The following EFCAB5 variants were observed in gnomAD, a reference collection of about 807,000 sequenced individuals.
EFCAB5 encodes EF-hand calcium-binding domain-containing protein 5.
A neutral mutation model predicts 167.9 loss-of-function variants in EFCAB5; 131 were observed. The observed-to-expected ratio is 0.78, with a 90% CI of 0.68 to 0.90. EFCAB5 has a LOEUF of 0.90. EFCAB5 is among the 40% of genes least tolerant of loss of function. The probability of loss-of-function intolerance (pLI) is 0.00; values close to 1 mark genes in which losing one functional copy is unlikely to be tolerated. For synonymous variants in EFCAB5, 574 were observed against 602.8 expected (o/e 0.95, Z 0.70); for missense variants, 1,663 against 1,745.2 (o/e 0.95, Z 0.84).
intron 3 of EFCAB5, among the ~76,000 whole-genome samples, chr17:29,965,003 A>G (rs556924389): frequency 7.3e-5 from 11 of 150,078 alleles, no homozygotes; most frequent in Non-Finnish European, 1.3e-4. Context: ...CCGGGTTCAC[A>G]CCATTCTCCT....
At chr17:29,993,994 C>T (rs1357997664) in intron 5 of EFCAB5, among the ~76,000 whole-genome samples, 2 of 150,676 alleles carry the variant, frequency 1.3e-5, no homozygotes, top group African/African-American at 2.4e-5. Context: ...GTTCCAGCTT[C>T]TTGGGTGGCT....
chr17:29,930,306 C>G (rs1054458797), intron 1 of EFCAB5: 1 of 424,942 alleles, frequency 2.4e-6, no homozygotes, highest in African/African-American at 2.1e-5. Flanking sequence ...GGTCGTAACC[C>G]TTGAGTTGCC....
In EFCAB5 at chr17:30,108,339, TA is replaced by T. The variant is rs2071476398; in HGVS notation, c.*316del. ...TGATTGGGTAGTTATTTTTCATTCT[TA>T]TAAGGTTCAAAGTAACAGCTGAGGA... On this transcript the variant is annotated 3_prime_UTR_variant, in exon 23 of 23. Coordinates refer to ENST00000394835, the MANE Select transcript of EFCAB5 (RefSeq NM_198529.4). 5.3e-6 allele frequency: 1 copy of T among 187,708 alleles called. No homozygotes were observed. Among genetic ancestry groups the T allele is most frequent in the Non-Finnish European group, 1.1e-5 (1 of 91,636 alleles). 11.6% of individuals were successfully genotyped at this position (187,708 alleles called of 1,614,324 possible).
At chr17:30,057,248 T>G (rs2070296834) in intron 12 of EFCAB5, among the ~76,000 whole-genome samples, 1 of 152,136 alleles carries the variant, frequency 6.6e-6, no homozygotes. Flanking sequence ...CACTTTCAAT[T>G]GAGACAGTTT....
At chr17:30,069,722 C>A in intron 14 of EFCAB5, 1 of 989,498 alleles carries the variant, frequency 1.0e-6, no homozygotes, top group Admixed American at 2.2e-5. Flanking sequence ...TCATGTACCC[C>A]CGGTGCTGGA....
At chr17:29,962,045 A>G (rs182655964) in intron 3 of EFCAB5, among the ~76,000 whole-genome samples, 3 of 152,274 alleles carry the variant, frequency 2.0e-5, no homozygotes, top group East Asian at 1.9e-4. Flanking sequence ...TTATTAGTCT[A>G]TATGTCTGTC....
At chr17:29,997,323 A>T (rs991809354) in intron 6 of EFCAB5, among the ~76,000 whole-genome samples, 2 of 152,056 alleles carry the variant, frequency 1.3e-5, no homozygotes, top group African/African-American at 4.8e-5. Context: ...CTTCGCTAGA[A>T]GACGTAATAG....
upstream of EFCAB5, among the ~76,000 whole-genome samples, chr17:29,938,465 A>G (rs2067263592): frequency 6.6e-6 from 1 of 152,176 alleles, no homozygotes; most frequent in African/African-American, 2.4e-5. Context: ...AAGACAATTG[A>G]GTTTGCCACA....
In EFCAB5 at chr17:30,051,097, C is replaced by G. The variant is rs756927980; in HGVS notation, c.1201-21C>G. 8.1e-6 allele frequency: 13 copies of G among 1,611,516 alleles called. No individual in the cohort carries two copies. The Admixed American group carries it at 2.2e-4, about 27-fold the overall frequency. ...TTAAATCTCCTGTAACAACTAATCA[C>G]AAACTTTCTTCTTTGCTTAGGTAGG... On this transcript the variant is annotated intron_variant, in intron 8 of 22. Transcript: ENST00000394835.
intron 7 of EFCAB5, among the ~76,000 whole-genome samples, chr17:30,000,383 A>G (rs2151653257): frequency 6.6e-6 from 1 of 152,358 alleles, no homozygotes; most frequent in Middle Eastern, 3.4e-3. Context: ...AGATGCAGAA[A>G]GGTTAAATAA....
At chr17:30,081,113 C>A (rs1263063421) in intron 17 of EFCAB5, 132 bp downstream of exon 17, 2 of 701,260 alleles carry the variant, frequency 2.9e-6, no homozygotes, top group Non-Finnish European at 4.6e-6. Context: ...TGCTCCTGTT[C>A]CCTGAATGTA....
At chr17:30,013,241 A>C (rs909742655) in intron 7 of EFCAB5, among the ~76,000 whole-genome samples, 1 of 152,180 alleles carries the variant, frequency 6.6e-6, no homozygotes, top group Non-Finnish European at 1.5e-5. Flanking sequence ...GATGTTCATC[A>C]GGGATATTGG....
Position 30,078,300 on chromosome 17 carries a change from G to T in EFCAB5, c.2823G>T (p.Leu941Phe), listed in dbSNP as rs1188610157. Residue 941 changes from leucine (L) to phenylalanine (F), a missense_variant, in exon 15 of 23, where the codon TTG becomes TTT. Coordinates refer to ENST00000394835, the MANE Select transcript of EFCAB5 (RefSeq NM_198529.4). ...SSKQFQNYIE[L>F]VVSELRGNED... ...AACAATTTCAGAATTACATAGAATT[G>T]GTTGTGTCTGAACTCAGGGGCAATG... The T allele has an allele frequency of 2.5e-6, 4 of 1,613,976 alleles. No individual in the cohort carries two copies. Among genetic ancestry groups the T allele is most frequent in the East Asian group, 2.2e-5 (1 of 44,894 alleles).
At chr17:30,104,613 CAA>C (rs1323680272) in intron 22 of EFCAB5, among the ~76,000 whole-genome samples, 1 of 151,560 alleles carries the variant, frequency 6.6e-6, no homozygotes, top group Non-Finnish European at 1.5e-5. Context: ...GAAAAAATTG[CAA>C]AGTCTGTGTG....
chr17:30,011,648 T>C (rs1186359190), intron 7 of EFCAB5, among the ~76,000 whole-genome samples: 3 of 152,176 alleles, frequency 2.0e-5, no homozygotes, highest in Admixed American at 6.5e-5. Context: ...TTTTTGCAGA[T>C]TGATTTTTGT....
rs766818057 is a variant in EFCAB5, at chr17:30,054,171, A to C, written c.2194+23A>C. On this transcript the variant is annotated intron_variant, in intron 10 of 22. Coordinates refer to ENST00000394835, the MANE Select transcript of EFCAB5 (RefSeq NM_198529.4). ...CAGGTAGTAATGCAGTTCTTCTACA[A>C]CATCAGTTCCCTGTTTTGTGGAATG... is the stretch of plus-strand genomic sequence containing the variant. 58 of 1,495,662 alleles carry C rather than the reference A, an allele frequency of 3.9e-5. No homozygotes were observed. The South Asian group carries it at 7.0e-4, about 18-fold the overall frequency. The allele number at this position is 1,495,662 out of a possible 1,614,324, so 92.6% of individuals were successfully genotyped here. A position where few individuals can be genotyped will look rare whatever the true frequency, so the allele number is the denominator to read the frequency against.
intron 7 of EFCAB5, among the ~76,000 whole-genome samples, chr17:30,007,002 A>G (rs1220836846): frequency 6.6e-6 from 1 of 152,182 alleles, no homozygotes; most frequent in Non-Finnish European, 1.5e-5. Flanking sequence ...ATTTTTACAG[A>G]AAGAAGAGTA....
intron 8 of EFCAB5, among the ~76,000 whole-genome samples, chr17:30,050,496 C>A (rs1490866528): frequency 1.3e-5 from 2 of 152,126 alleles, no homozygotes; most frequent in African/African-American, 4.8e-5. Context: ...CCAGGCTGGA[C>A]TGCAGTGACA....
intron 18 of EFCAB5, 44 bp downstream of exon 18, chr17:30,083,087 G>C (rs367926195): frequency 2.3e-5 from 36 of 1,569,990 alleles, no homozygotes; most frequent in Non-Finnish European, 3.0e-5. Flanking sequence ...AGGTAGCCGA[G>C]TGTCTAGATG....
Sources: gnomAD v4.1 joint callset for allele counts (sites outside exome capture counted in the v4.1 genomes callset) on GRCh38, gnomAD v4.1.1 for gene constraint, MANE v1.5 for transcripts, NCBI Gene and HGNC (gene_info 2026-07-23, HGNC 2026-07-21) for gene names.